Variants in RXFP1 observed in about 807,000 individuals in gnomAD.
RXFP1 encodes relaxin receptor 1.
In RXFP1, 73 loss-of-function variants were observed where a neutral mutation model predicts 89.8. The observed-to-expected ratio is 0.81, with a 90% CI of 0.67 to 0.99. The LOEUF (loss-of-function observed/expected upper bound fraction) is 0.99. Ranked by LOEUF, RXFP1 falls within the 50% of genes least tolerant of loss-of-function variation. The probability of loss-of-function intolerance (pLI) is 0.00; values close to 1 mark genes in which losing one functional copy is unlikely to be tolerated. For missense variants in RXFP1, 793 were observed against 895.5 expected, an observed-to-expected ratio of 0.89 and a Z score of 1.46; for synonymous variants, 277 against 305.5, an observed-to-expected ratio of 0.91 and a Z score of 0.97.
At position 158,568,495 on chromosome 4, in the gene RXFP1, T is replaced by G. The variant is rs563551261; in HGVS notation, c.50-4203T>G. ...GAATTTTTCTTAAAATCTTGGTGTT[T>G]AAAGTGTTCTTAAAAAATTAATAAA... On this transcript the variant is annotated intron_variant, in intron 1 of 17. Transcript: ENST00000307765. Among the ~76,000 whole-genome samples the G allele has an allele frequency of 9.2e-5, 14 of 152,354 alleles. No individual in the cohort carries two copies. The South Asian group carries it at 2.9e-3, about 32-fold the overall frequency.
chr4:158,579,563 C>T (rs1756932728), intron 2 of RXFP1, among the ~76,000 whole-genome samples: 1 of 152,198 alleles, frequency 6.6e-6, no homozygotes, highest in South Asian at 2.1e-4. Context: ...CGCAGCCTGC[C>T]CAACTTCTCT....
intron 12 of RXFP1, among the ~76,000 whole-genome samples, chr4:158,635,069 G>A (rs1482764253): frequency 6.6e-6 from 1 of 151,330 alleles, no homozygotes; most frequent in Non-Finnish European, 1.5e-5. Flanking sequence ...AAAAAAAAAA[G>A]GCAATGGGAT....
intron 12 of RXFP1, among the ~76,000 whole-genome samples, chr4:158,637,508 T>C (rs1290794997): frequency 1.3e-5 from 2 of 152,236 alleles, no homozygotes; most frequent in East Asian, 3.8e-4. Context: ...CACTTTTTCA[T>C]ATACCTGTTA....
intron 9 of RXFP1, among the ~76,000 whole-genome samples, chr4:158,623,518 A>AAAAAAAAAAAAAAC (rs1766078935): frequency 6.7e-6 from 1 of 149,922 alleles, no homozygotes; most frequent in African/African-American, 2.4e-5. Flanking sequence ...AAAAAAAAAA[A>AAAAAAAAAAAAAAC]AAAAAAAAGA....
At position 158,617,228 on chromosome 4, in the gene RXFP1, A is replaced by G. The variant is rs1325564840; in HGVS notation, c.755+23A>G. ...GCTGTAAGCGATTCTGTCTTTTTTTAAAGAACTCAACTAAATTTTCTGTTT... is the reference window on the plus strand; with the variant it reads ...GCTGTAAGCGATTCTGTCTTTTTTTGAAGAACTCAACTAAATTTTCTGTTT... On this transcript the variant is annotated intron_variant, in intron 9 of 17. Coordinates refer to ENST00000307765, the MANE Select transcript of RXFP1 (RefSeq NM_021634.4). The G allele has an allele frequency of 2.6e-6, 4 of 1,554,954 alleles. No homozygotes were observed. The African/African-American group carries it at 4.1e-5, about 16-fold the overall frequency.
chr4:158,608,279 CTTTTTTTTTTTTT>C (rs756131500), intron 6 of RXFP1, among the ~76,000 whole-genome samples: 1 of 76,102 alleles, frequency 1.3e-5, no homozygotes, highest in South Asian at 4.4e-4. Flanking sequence ...GTATTCCTTT[CTTTTTTTTTTTTT>C]TTTTTTTTTT....
intron 1 of RXFP1, among the ~76,000 whole-genome samples, chr4:158,562,296 G>A (rs942207345): frequency 1.3e-5 from 2 of 151,590 alleles, no homozygotes; most frequent in African/African-American, 2.4e-5. Context: ...AGGCCGAGGC[G>A]GGCGGATCAC....
chr4:158,572,895 T>C, intron 2 of RXFP1, 60 bp downstream of exon 2: 1 of 1,576,728 alleles, frequency 6.3e-7, no homozygotes, highest in Non-Finnish European at 8.6e-7. Flanking sequence ...GAAGGTGAAG[T>C]CGCTGAGACT....
intron 1 of RXFP1, among the ~76,000 whole-genome samples, chr4:158,562,081 G>A (rs572141633): frequency 6.6e-6 from 1 of 152,110 alleles, no homozygotes; most frequent in South Asian, 2.1e-4. Context: ...GAACTTAATT[G>A]CCTGTTTTAA....
Position 158,556,173 on chromosome 4 carries a change from C to T in RXFP1, c.50-16525C>T, listed in dbSNP as rs987897235. Among the ~76,000 whole-genome samples, 4 of 148,958 alleles carry T rather than the reference C, an allele frequency of 2.7e-5. No homozygotes were observed. In the South Asian group the frequency reaches 8.4e-4, roughly 31 times the overall value. On this transcript the variant is annotated intron_variant, in intron 1 of 17. Transcript: ENST00000307765. ...CAGAAAGGGAGAAAATATTTGCAAA[C>T]TGTACATTTGACAAGGAGTTGATAT...
At chr4:158,602,673 A>G (rs1761904145) in intron 4 of RXFP1, among the ~76,000 whole-genome samples, 2 of 152,362 alleles carry the variant, frequency 1.3e-5, no homozygotes, top group South Asian at 2.1e-4. Context: ...CAAATAGAGT[A>G]TAAACTTCTT....
intron 1 of RXFP1, among the ~76,000 whole-genome samples, chr4:158,552,254 T>C (rs1280519833): frequency 6.6e-5 from 10 of 152,162 alleles, no homozygotes; most frequent in Non-Finnish European, 7.4e-5. Context: ...TAAGTAGGAA[T>C]AAAATGTGAT....
chr4:158,573,406 G>A (rs10028473), intron 2 of RXFP1, among the ~76,000 whole-genome samples: 3,757 of 152,198 alleles, frequency 0.025, 129 homozygotes, highest in African/African-American at 0.086. Flanking sequence ...TGTCCAACCC[G>A]CAGCCTGCAG....
rs931384038 is a variant in RXFP1, at chr4:158,543,086, G to A, written c.49+21061G>A. The stretch of plus-strand genomic sequence containing the variant: ...ATGAGTTTACTTATATAATAAACCT[G>A]AACATGTACCCCTGAACCTAAAATA... On this transcript the variant is annotated intron_variant, in intron 1 of 17. Transcript: ENST00000307765. Among the ~76,000 whole-genome samples the A allele has an allele frequency of 2.0e-5, 3 of 152,064 alleles. No individual in the cohort carries two copies. In the East Asian group the frequency reaches 5.8e-4, roughly 29 times the overall value.
At chr4:158,585,289 C>A (rs1292093673) in intron 2 of RXFP1, among the ~76,000 whole-genome samples, 2 of 152,288 alleles carry the variant, frequency 1.3e-5, no homozygotes, top group East Asian at 3.9e-4. Context: ...TGCAGCATTT[C>A]CCAAACATAT....
chr4:158,523,021 A>G (rs1303729996), intron 1 of RXFP1, among the ~76,000 whole-genome samples: 1 of 152,142 alleles, frequency 6.6e-6, no homozygotes, highest in African/African-American at 2.4e-5. Flanking sequence ...CCTCTGCTCC[A>G]TCGCATCTAA....
At chr4:158,544,059 T>C in intron 1 of RXFP1, 1 of 982,824 alleles carries the variant, frequency 1.0e-6, no homozygotes, top group South Asian at 4.7e-5. Context: ...TGTTTATTTC[T>C]AGAAATGTCT....
At chr4:158,530,868 G>T (rs1181720915) in intron 1 of RXFP1, among the ~76,000 whole-genome samples, 1 of 152,174 alleles carries the variant, frequency 6.6e-6, no homozygotes, top group Non-Finnish European at 1.5e-5. Flanking sequence ...CCAAAATAAT[G>T]TGGCAAGTCA....
At chr4:158,597,508 T>G (rs1760855535) in intron 3 of RXFP1, among the ~76,000 whole-genome samples, 1 of 152,198 alleles carries the variant, frequency 6.6e-6, no homozygotes, top group Non-Finnish European at 1.5e-5. Flanking sequence ...AATTTTCAAT[T>G]AGCATTTCGG....
Sources: allele counts gnomAD v4.1 joint callset (sites outside exome capture counted in the v4.1 genomes callset), GRCh38; gene constraint gnomAD v4.1.1; transcripts MANE v1.5; gene names NCBI Gene and HGNC (gene_info 2026-07-23, HGNC 2026-07-21).